Variants in ARK2C observed in about 807,000 individuals in gnomAD.
The protein encoded by ARK2C is E3 ubiquitin-protein ligase ARK2C.
chr18:46,393,277 T>C, the ARK2C span, among the ~76,000 whole-genome samples: 6 of 152,252 alleles, frequency 3.9e-5, no homozygotes, highest in African/African-American at 1.2e-4. Context: ...GCGGAAAACT[T>C]TGTGGGGTGA....
the ARK2C span, among the ~76,000 whole-genome samples, chr18:46,348,294 C>T: frequency 6.6e-6 from 1 of 152,038 alleles, no homozygotes; most frequent in African/African-American, 2.4e-5. Context: ...GTCACTGGGA[C>T]AGGGAGCTGG....
chr18:46,414,386 C>G, the ARK2C span, among the ~76,000 whole-genome samples: 1 of 152,232 alleles, frequency 6.6e-6, no homozygotes, highest in Non-Finnish European at 1.5e-5. Context: ...CTGACTAACC[C>G]CAGCAGGCCA....
chr18:46,418,139 A>G, the ARK2C span, among the ~76,000 whole-genome samples: 1 of 152,160 alleles, frequency 6.6e-6, no homozygotes, highest in Admixed American at 6.5e-5. Context: ...ACCTGAGGCC[A>G]GCAGGTTGAG....
the ARK2C span, among the ~76,000 whole-genome samples, chr18:46,385,500 C>G: frequency 2.6e-5 from 4 of 152,306 alleles, no homozygotes; most frequent in South Asian, 8.3e-4. Flanking sequence ...TCTACTGACT[C>G]TAGTGGACAG....
chr18:46,419,404 G>T, the ARK2C span, among the ~76,000 whole-genome samples: 1 of 152,192 alleles, frequency 6.6e-6, no homozygotes, highest in Non-Finnish European at 1.5e-5. Context: ...CATTCCCCCT[G>T]CTAGGTGGGC....
At chr18:46,443,204 T>C in the ARK2C span, among the ~76,000 whole-genome samples, 8,155 of 152,286 alleles carry the variant, frequency 0.054, 280 homozygotes, top group Non-Finnish European at 0.072. Flanking sequence ...TTTGTTGTTG[T>C]TGTCATTTTG....
chr18:46,441,716 G>A, the ARK2C span, among the ~76,000 whole-genome samples: 7 of 151,688 alleles, frequency 4.6e-5, no homozygotes, highest in East Asian at 1.9e-4. Context: ...GTGAAACCCC[G>A]TCTCTACTAA....
the ARK2C span, among the ~76,000 whole-genome samples, chr18:46,356,836 G>T: frequency 6.6e-6 from 1 of 152,356 alleles, no homozygotes; most frequent in Admixed American, 6.5e-5. Flanking sequence ...CAGGCATGGT[G>T]CAAGAGACAG....
At chr18:46,407,939 A>C in the ARK2C span, among the ~76,000 whole-genome samples, 1 of 152,236 alleles carries the variant, frequency 6.6e-6, no homozygotes, top group African/African-American at 2.4e-5. Context: ...AGTGGCAAAG[A>C]TCCAGAGAGG....
At chr18:46,435,177 G>C in the ARK2C span, 1 of 784,032 alleles carries the variant, frequency 1.3e-6, no homozygotes, top group East Asian at 2.6e-5. Flanking sequence ...TGGGTGCTAA[G>C]TGGGGCTGCA....
At chr18:46,342,273 A>G in the ARK2C span, among the ~76,000 whole-genome samples, 1 of 152,208 alleles carries the variant, frequency 6.6e-6, no homozygotes, top group Non-Finnish European at 1.5e-5. Flanking sequence ...ACTGCCTGCC[A>G]TGGCCTGCAT....
chr18:46,397,595 GGTGT>G, the ARK2C span, among the ~76,000 whole-genome samples: 4 of 86,010 alleles, frequency 4.7e-5, no homozygotes, highest in Non-Finnish European at 4.8e-5. Context: ...GGGGTGTGAG[GGTGT>G]GTGTGTGTGT....
the ARK2C span, among the ~76,000 whole-genome samples, chr18:46,420,996 G>A: frequency 1.4e-5 from 2 of 147,426 alleles, no homozygotes; most frequent in African/African-American, 5.4e-5. Context: ...GCCACCCAAT[G>A]CCATCCACAG....
chr18:46,402,451 A>C, the ARK2C span, among the ~76,000 whole-genome samples: 1 of 152,370 alleles, frequency 6.6e-6, no homozygotes, highest in South Asian at 2.1e-4. Context: ...TGCATGGAAC[A>C]TGCTTATACT....
At chr18:46,433,146 C>CTCGTGCTGG in the ARK2C span, 1 of 1,478,910 alleles carries the variant, frequency 6.8e-7, no homozygotes. Flanking sequence ...GTGGCGGCCG[C>CTCGTGCTGG]TCGTGCTGGT....
the ARK2C span, among the ~76,000 whole-genome samples, chr18:46,356,519 C>G: frequency 6.6e-6 from 1 of 152,148 alleles, no homozygotes; most frequent in Non-Finnish European, 1.5e-5. Flanking sequence ...CCCTGCAGAT[C>G]CCAGGGGTTG....
At chr18:46,354,135 C>T in the ARK2C span, among the ~76,000 whole-genome samples, 1 of 152,208 alleles carries the variant, frequency 6.6e-6, no homozygotes, top group Non-Finnish European at 1.5e-5. Context: ...TGAATTGTTT[C>T]ATTTCTTCCC....
the ARK2C span, among the ~76,000 whole-genome samples, chr18:46,410,963 A>G: frequency 6.6e-6 from 1 of 152,204 alleles, no homozygotes; most frequent in Admixed American, 6.5e-5. Flanking sequence ...CTGGCTGTGC[A>G]TGGGTGGCAG....
the ARK2C span, among the ~76,000 whole-genome samples, chr18:46,371,362 TAAG>T: frequency 6.6e-6 from 1 of 152,152 alleles, no homozygotes; most frequent in Non-Finnish European, 1.5e-5. Flanking sequence ...CGGGGTCTGA[TAAG>T]GAGGAAGCAC....
Sources: allele counts gnomAD v4.1 joint callset (sites outside exome capture counted in the v4.1 genomes callset), GRCh38; gene constraint gnomAD v4.1.1; transcripts MANE v1.5; gene names NCBI Gene and HGNC (gene_info 2026-07-23, HGNC 2026-07-21).